The following ZNG1B variants were observed in gnomAD, a reference collection of about 807,000 sequenced individuals.
ZNG1B encodes zinc-regulated GTPase metalloprotein activator 1B.
chr2:113,462,752 T>C, the ZNG1B span: 2 of 520,952 alleles, frequency 3.8e-6, no homozygotes, highest in South Asian at 3.3e-5. Flanking sequence ...TTTCTTTTCC[T>C]GTCTTCTCTT....
At chr2:113,477,373 C>G in the ZNG1B span, among the ~76,000 whole-genome samples, 3 of 152,130 alleles carry the variant, frequency 2.0e-5, no homozygotes, top group Non-Finnish European at 4.4e-5. Context: ...CGCCCTGCTT[C>G]GGCTCGCGGA....
chr2:113,469,505 G>A, the ZNG1B span: 1 of 148,008 alleles, frequency 6.8e-6, no homozygotes, highest in African/African-American at 2.5e-5. Flanking sequence ...TTAATATTAA[G>A]ACTTTGGCCT....
At chr2:113,456,190 A>G in the ZNG1B span, among the ~76,000 whole-genome samples, 10 of 152,016 alleles carry the variant, frequency 6.6e-5, no homozygotes, top group East Asian at 1.8e-3. Context: ...CTCCTTTTTT[A>G]GAGTTTAAAA....
the ZNG1B span, among the ~76,000 whole-genome samples, chr2:113,439,528 C>G: frequency 6.6e-6 from 1 of 152,136 alleles, no homozygotes; most frequent in Non-Finnish European, 1.5e-5. Flanking sequence ...GCATGTTAGC[C>G]TTAATGATCT....
the ZNG1B span, among the ~76,000 whole-genome samples, chr2:113,477,779 T>C: frequency 2.0e-5 from 3 of 152,270 alleles, no homozygotes; most frequent in East Asian, 3.8e-4. Flanking sequence ...CGTTTCACTC[T>C]TTATAACTGA....
the ZNG1B span, chr2:113,460,703 A>G: frequency 2.5e-6 from 4 of 1,594,824 alleles, no homozygotes; most frequent in African/African-American, 2.7e-5. Context: ...TGATGGCCTT[A>G]TCAATGAAGC....
chr2:113,472,801 T>C, the ZNG1B span, among the ~76,000 whole-genome samples: 1 of 151,480 alleles, frequency 6.6e-6, no homozygotes, highest in African/African-American at 2.4e-5. Context: ...GTTGTAGATA[T>C]GCGGCGTTAT....
At chr2:113,462,172 T>C in the ZNG1B span, among the ~76,000 whole-genome samples, 2 of 152,184 alleles carry the variant, frequency 1.3e-5, no homozygotes, top group African/African-American at 4.8e-5. Context: ...GAATGGGTAA[T>C]GTGAAATCTG....
chr2:113,438,530 A>T, the ZNG1B span, among the ~76,000 whole-genome samples: 1 of 151,750 alleles, frequency 6.6e-6, no homozygotes, highest in African/African-American at 2.4e-5. Flanking sequence ...TATCTTAAAC[A>T]CTTTTTTTTT....
chr2:113,486,581 C>T, the ZNG1B span, among the ~76,000 whole-genome samples: 100 of 151,432 alleles, frequency 6.6e-4, no homozygotes, highest in African/African-American at 2.4e-3. Flanking sequence ...ATGGTGAAAC[C>T]CCATTTCTGC....
the ZNG1B span, among the ~76,000 whole-genome samples, chr2:113,485,840 G>A: frequency 6.6e-6 from 1 of 152,116 alleles, no homozygotes; most frequent in Non-Finnish European, 1.5e-5. Context: ...TAACCCAGTG[G>A]GTTAAAGAAG....
At chr2:113,440,493 A>G in the ZNG1B span, among the ~76,000 whole-genome samples, 4 of 152,058 alleles carry the variant, frequency 2.6e-5, no homozygotes, top group African/African-American at 9.7e-5. Context: ...TCTATACTTC[A>G]TATTTTTGTG....
the ZNG1B span, chr2:113,439,019 G>C: frequency 6.0e-6 from 8 of 1,339,166 alleles, no homozygotes; most frequent in South Asian, 9.2e-5. Context: ...TTTCCCCACA[G>C]TTATTCAGAG....
chr2:113,490,502 A>C, the ZNG1B span, among the ~76,000 whole-genome samples: 4 of 152,140 alleles, frequency 2.6e-5, no homozygotes, highest in African/African-American at 9.7e-5. Flanking sequence ...ATGAAATTGA[A>C]ACAAAACAAC....
chr2:113,462,473 A>C, the ZNG1B span: 3 of 1,598,234 alleles, frequency 1.9e-6, no homozygotes, highest in African/African-American at 4.0e-5. Flanking sequence ...GAAGATGTAA[A>C]GAAATTAAGA....
the ZNG1B span, among the ~76,000 whole-genome samples, chr2:113,457,600 CAG>C: frequency 6.6e-6 from 1 of 150,512 alleles, no homozygotes; most frequent in Admixed American, 6.7e-5. Flanking sequence ...GGTGTTATTT[CAG>C]AGAGTTCCTT....
chr2:113,474,855 A>G, the ZNG1B span, among the ~76,000 whole-genome samples: 2 of 151,468 alleles, frequency 1.3e-5, no homozygotes, highest in Non-Finnish European at 3.0e-5. Flanking sequence ...TCTGAGAGAT[A>G]GTTTGTTATA....
At chr2:113,487,125 C>T in the ZNG1B span, among the ~76,000 whole-genome samples, 3 of 152,144 alleles carry the variant, frequency 2.0e-5, no homozygotes, top group East Asian at 1.9e-4. Context: ...CATAAGATTA[C>T]GATGGAGCTG....
chr2:113,474,279 G>A, the ZNG1B span, among the ~76,000 whole-genome samples: 1 of 151,080 alleles, frequency 6.6e-6, no homozygotes, highest in Non-Finnish European at 1.5e-5. Flanking sequence ...TTGCGTAGAG[G>A]TGTTTGTAGT....
Sources: gnomAD v4.1 joint callset for allele counts (sites outside exome capture counted in the v4.1 genomes callset) on GRCh38, gnomAD v4.1.1 for gene constraint, MANE v1.5 for transcripts, NCBI Gene and HGNC (gene_info 2026-07-23, HGNC 2026-07-21) for gene names.